The following TNFSF4 variants were observed in gnomAD, a reference collection of about 807,000 sequenced individuals.
TNFSF4 encodes the protein tumor necrosis factor ligand superfamily member 4.
TNFSF4 carries 4 observed loss-of-function variants against 7.3 expected under a neutral mutation model. The ratio of observed to expected loss-of-function variants is 0.55; its 90% CI spans 0.27 to 1.25. The LOEUF is 1.25. Among genes scored for constraint, TNFSF4 ranks in the 50% most tolerant of loss-of-function variants. TNFSF4 has a pLI of 0.12. For synonymous variants in TNFSF4, 76 were observed against 83.7 expected, an observed-to-expected ratio of 0.91 and a Z score of 0.50; for missense variants, 181 against 208.8, an observed-to-expected ratio of 0.87 and a Z score of 0.82.
At chr1:173,240,735 A>G in the TNFSF4 span, among the ~76,000 whole-genome samples, 1 of 152,148 alleles carries the variant, frequency 6.6e-6, no homozygotes, top group Non-Finnish European at 1.5e-5. Context: ...AGTATGCTTA[A>G]TTTCAAAAAT....
chr1:173,198,120 T>C (rs1403758639), intron 1 of TNFSF4, among the ~76,000 whole-genome samples: 2 of 152,174 alleles, frequency 1.3e-5, no homozygotes, highest in East Asian at 3.9e-4. Context: ...AATCACTCAT[T>C]CCCTTATCTG....
At chr1:173,340,954 A>T in the TNFSF4 span, among the ~76,000 whole-genome samples, 7 of 152,156 alleles carry the variant, frequency 4.6e-5, no homozygotes, top group Non-Finnish European at 1.5e-5. Context: ...GAGGTAATTA[A>T]ATCATGAGAG....
intron 1 of TNFSF4, among the ~76,000 whole-genome samples, chr1:173,188,877 T>C (rs1326879779): frequency 6.6e-6 from 1 of 152,036 alleles, no homozygotes; most frequent in African/African-American, 2.4e-5. Flanking sequence ...CACACCTGAT[T>C]AATTTTTGTT....
At chr1:173,237,731 C>A in the TNFSF4 span, among the ~76,000 whole-genome samples, 2 of 152,210 alleles carry the variant, frequency 1.3e-5, no homozygotes, top group South Asian at 4.1e-4. Flanking sequence ...ACGAAAATTA[C>A]AAAACTCTGC....
At chr1:173,259,513 T>C in the TNFSF4 span, among the ~76,000 whole-genome samples, 2 of 152,138 alleles carry the variant, frequency 1.3e-5, no homozygotes, top group Non-Finnish European at 2.9e-5. Context: ...CTGACAGAAG[T>C]AGGCTTCAGA....
the TNFSF4 span, among the ~76,000 whole-genome samples, chr1:173,443,473 A>T: frequency 6.6e-6 from 1 of 152,230 alleles, no homozygotes; most frequent in African/African-American, 2.4e-5. Context: ...TATATTTGAT[A>T]TGACAAGATT....
the TNFSF4 span, among the ~76,000 whole-genome samples, chr1:173,364,760 A>G: frequency 6.6e-6 from 1 of 152,148 alleles, no homozygotes; most frequent in Non-Finnish European, 1.5e-5. Flanking sequence ...TGGGAACATC[A>G]CATCACTATT....
the TNFSF4 span, among the ~76,000 whole-genome samples, chr1:173,357,517 T>C: frequency 1.3e-5 from 2 of 151,520 alleles, no homozygotes; most frequent in Non-Finnish European, 2.9e-5. Context: ...GGAGTTCCTG[T>C]TGTGCTAACT....
intron 1 of TNFSF4, among the ~76,000 whole-genome samples, chr1:173,192,338 G>C (rs1649523119): frequency 2.0e-5 from 3 of 152,120 alleles, no homozygotes; most frequent in African/African-American, 7.2e-5. Context: ...TAGGTGAATG[G>C]ATAAATAAAC....
At chr1:173,269,508 C>T in the TNFSF4 span, among the ~76,000 whole-genome samples, 1 of 152,066 alleles carries the variant, frequency 6.6e-6, no homozygotes, top group African/African-American at 2.4e-5. Flanking sequence ...TTTTTGCATG[C>T]TTTGGGGCCA....
the TNFSF4 span, among the ~76,000 whole-genome samples, chr1:173,425,681 C>G: frequency 6.6e-6 from 1 of 152,280 alleles, no homozygotes; most frequent in East Asian, 1.9e-4. Context: ...AAAATGCAGC[C>G]CTGTTCAAGA....
the TNFSF4 span, among the ~76,000 whole-genome samples, chr1:173,345,707 A>G: frequency 1.3e-5 from 2 of 152,248 alleles, no homozygotes; most frequent in Non-Finnish European, 2.9e-5. Context: ...AGAGCCCAAG[A>G]GTGAGGCCTA....
the TNFSF4 span, among the ~76,000 whole-genome samples, chr1:173,250,728 G>T: frequency 2.4e-3 from 358 of 152,174 alleles, 1 homozygote; most frequent in African/African-American, 8.3e-3. Flanking sequence ...CAAAGTGCTG[G>T]GATTACAGGC....
chr1:173,394,941 G>GATT, the TNFSF4 span, among the ~76,000 whole-genome samples: 1 of 150,016 alleles, frequency 6.7e-6, no homozygotes, highest in South Asian at 2.1e-4. Context: ...TAGATAGATA[G>GATT]ATAGACAGAC....
In TNFSF4 at chr1:173,193,267, C is replaced by T. The variant is rs182574260; in HGVS notation, c.154-4698G>A. On this transcript the variant is annotated intron_variant, in intron 1 of 2. Coordinates refer to ENST00000281834, the MANE Select transcript of TNFSF4 (RefSeq NM_003326.5). ...AAAGAAAATAGAAAATATCAAAGGG[C>T]CAGGGGGCTTCCATCTAAGCACAGT... Among the ~76,000 whole-genome samples the T allele has an allele frequency of 3.3e-5, 5 of 152,144 alleles. No homozygotes were observed. The East Asian group carries it at 9.7e-4, about 29-fold the overall frequency.
the TNFSF4 span, among the ~76,000 whole-genome samples, chr1:173,177,621 T>C: frequency 6.6e-6 from 1 of 152,188 alleles, no homozygotes; most frequent in Non-Finnish European, 1.5e-5. Flanking sequence ...GCAGATTCTA[T>C]ATGGGAATTT....
chr1:173,304,355 C>G, the TNFSF4 span, among the ~76,000 whole-genome samples: 1 of 151,800 alleles, frequency 6.6e-6, no homozygotes, highest in Admixed American at 6.6e-5. Context: ...ATCCTGAAGG[C>G]AAGGGGACTG....
chr1:173,410,427 T>C, the TNFSF4 span, among the ~76,000 whole-genome samples: 1 of 152,052 alleles, frequency 6.6e-6, no homozygotes, highest in Non-Finnish European at 1.5e-5. Context: ...GGAAAGTAAA[T>C]AGATACATAT....
chr1:173,231,177 A>G, the TNFSF4 span, among the ~76,000 whole-genome samples: 3 of 152,226 alleles, frequency 2.0e-5, no homozygotes, highest in Non-Finnish European at 4.4e-5. Flanking sequence ...CCTGATGAAC[A>G]TCGATGCAGA....
Sources: gnomAD v4.1 joint callset for allele counts (sites outside exome capture counted in the v4.1 genomes callset) on GRCh38, gnomAD v4.1.1 for gene constraint, MANE v1.5 for transcripts, NCBI Gene and HGNC (gene_info 2026-07-23, HGNC 2026-07-21) for gene names.